MAST4: variants seen among roughly 807,000 people sequenced by gnomAD.
MAST4 encodes the protein microtubule-associated serine/threonine-protein kinase 4.
Under a neutral mutation model 162.7 loss-of-function variants are expected in MAST4, and 89 were observed. The observed-to-expected ratio is 0.55, with a 90% CI of 0.46 to 0.65. The LOEUF (loss-of-function observed/expected upper bound fraction) is 0.65, where lower values mean the gene tolerates loss of function less well. MAST4 is among the 30% of genes least tolerant of loss of function. The pLI is 0.00. For synonymous variants in MAST4, 1,479 were observed against 1,361.1 expected, an observed-to-expected ratio of 1.09 and a Z score of -1.91; for missense variants, 3,153 against 3,374.0, an observed-to-expected ratio of 0.93 and a Z score of 1.62.
chr5:67,073,331 T>C (rs941304164), intron 5 of MAST4, among the ~76,000 whole-genome samples: 1 of 152,178 alleles, frequency 6.6e-6, no homozygotes, highest in African/African-American at 2.4e-5. Context: ...CTTCTTATTA[T>C]TGCATTGTTT....
At chr5:66,856,228 T>TC (rs1475352617) in intron 3 of MAST4, among the ~76,000 whole-genome samples, 1 of 152,008 alleles carries the variant, frequency 6.6e-6, no homozygotes, top group Non-Finnish European at 1.5e-5. Flanking sequence ...TTGCACTGAG[T>TC]CCCCACTGTG....
At chr5:67,029,508 T>C (rs780372465) in intron 4 of MAST4, among the ~76,000 whole-genome samples, 2 of 152,120 alleles carry the variant, frequency 1.3e-5, no homozygotes, top group Non-Finnish European at 2.9e-5. Flanking sequence ...TTAAGTATAT[T>C]GAGGGACCTT....
At chr5:67,017,312 C>T (rs889526781) in intron 4 of MAST4, among the ~76,000 whole-genome samples, 15 of 152,070 alleles carry the variant, frequency 9.9e-5, no homozygotes, top group African/African-American at 3.1e-4. Flanking sequence ...TACCTAAGGA[C>T]GGAATGAAAG....
chr5:66,838,097 C>G (rs899554872), intron 3 of MAST4, among the ~76,000 whole-genome samples: 1 of 151,640 alleles, frequency 6.6e-6, no homozygotes, highest in African/African-American at 2.4e-5. Context: ...ACCCATGGCA[C>G]TGGTAGTGTC....
intron 3 of MAST4, among the ~76,000 whole-genome samples, chr5:66,853,246 A>C (rs1759443582): frequency 6.6e-6 from 1 of 152,190 alleles, no homozygotes; most frequent in African/African-American, 2.4e-5. Flanking sequence ...ATCTACCCGG[A>C]GTAAGTGTAA....
rs186478140 is a variant in MAST4, at chr5:66,760,134, C to T, written c.517+272C>T. 2.2e-3 allele frequency among the ~76,000 whole-genome samples: 304 copies of T among 135,630 alleles called. 2 individuals are homozygous for T. The highest frequency in any genetic ancestry group is 8.2e-3 in the African/African-American group (282 of 34,600). 89.0% of individuals were successfully genotyped at this position (135,630 alleles called of 152,430 possible). A position where few individuals can be genotyped will look rare whatever the true frequency, so the allele number is the denominator to read the frequency against. On this transcript the variant is annotated intron_variant, in intron 2 of 28. Coordinates refer to ENST00000403625, the MANE Select transcript of MAST4 (RefSeq NM_001164664.2). Reference sequence around the variant, plus strand: ...TTATTTATTTATTTATTTTTTGAGACAGAGTCTCGCTCCGTTGCTAGGCTG... The same window carrying T: ...TTATTTATTTATTTATTTTTTGAGATAGAGTCTCGCTCCGTTGCTAGGCTG...
At chr5:66,683,445 T>C (rs1292891817) in intron 1 of MAST4, among the ~76,000 whole-genome samples, 1 of 152,202 alleles carries the variant, frequency 6.6e-6, no homozygotes, top group Non-Finnish European at 1.5e-5. Flanking sequence ...TGACCTGATG[T>C]AGTAAATATC....
chr5:67,136,108 A>G (rs1211790915), intron 18 of MAST4, among the ~76,000 whole-genome samples: 1 of 152,160 alleles, frequency 6.6e-6, no homozygotes, highest in Non-Finnish European at 1.5e-5. Flanking sequence ...GAAGAACTCT[A>G]TGGCTGTGGC....
At chr5:66,986,357 C>T in intron 4 of MAST4, 1 of 908,172 alleles carries the variant, frequency 1.1e-6, no homozygotes, top group South Asian at 1.6e-5. Flanking sequence ...TATGTTGTTA[C>T]ACAGAGAAAT....
chr5:66,970,571 C>G (rs192218624), intron 4 of MAST4, among the ~76,000 whole-genome samples: 12 of 152,266 alleles, frequency 7.9e-5, no homozygotes, highest in Admixed American at 7.2e-4. Flanking sequence ...ACAGCCATTC[C>G]AGGGCCATGT....
chr5:66,816,884 G>T (rs1756755163), intron 3 of MAST4, among the ~76,000 whole-genome samples: 1 of 152,160 alleles, frequency 6.6e-6, no homozygotes, highest in Admixed American at 6.5e-5. Flanking sequence ...TGGCCTGTTT[G>T]TGGCCTTAGT....
rs151148515 is a variant in MAST4 at position 66,899,932 on chromosome 5, G to GT, written c.643-10dup. On this transcript the variant is annotated intron_variant, in intron 3 of 28. Coordinates refer to ENST00000403625, the MANE Select transcript of MAST4 (RefSeq NM_001164664.2). The stretch of plus-strand genomic sequence containing the variant: ...GTTAATGCAGCATTGCTTATATATG[G>GT]TTTTTTTTTCTTTTGCAGAAGGAGC... 6,187 of 1,454,398 alleles carry GT rather than the reference G, an allele frequency of 4.3e-3. 69 individuals carry two copies. Among genetic ancestry groups the GT allele is most frequent in the African/African-American group, 0.043 (2,915 of 68,526 alleles). The allele number at this position is 1,454,398 out of a possible 1,614,324, so 90.1% of individuals were successfully genotyped here.
At chr5:66,718,025 G>A (rs1007010533) in intron 1 of MAST4, among the ~76,000 whole-genome samples, 1 of 152,030 alleles carries the variant, frequency 6.6e-6, no homozygotes, top group Non-Finnish European at 1.5e-5. Context: ...AGCTGTGACA[G>A]TATTTTGTTG....
intron 8 of MAST4, among the ~76,000 whole-genome samples, chr5:67,101,012 TCTTA>T (rs1235489756): frequency 6.6e-6 from 1 of 152,234 alleles, no homozygotes; most frequent in African/African-American, 2.4e-5. Context: ...CCATCGTAAG[TCTTA>T]CTTTTCTCTA....
chr5:67,164,715 A>T lies in MAST4; in HGVS notation c.5536A>T (p.Ser1846Cys). The stretch of plus-strand genomic sequence containing the variant: ...CTCTGTGCCACCAGTTCTCCCCAGC[A>T]GCAGTGGGAAAAAGAACGATACCAC... ...RASVPPVLPS[S>C]SGKKNDTTSA... Residue 1846 changes from serine to cysteine, a missense_variant, in exon 29 of 29, where the codon AGC (serine) becomes TGC (cysteine). By Grantham distance (112) the Ser-to-Cys change is moderately radical (BLOSUM62 -1). Around this residue, in one of 7 missense-constraint regions of MAST4, gnomAD observed 1,644 missense variants for 1,495.0 expected, o/e 1.10. Coordinates refer to ENST00000403625, the MANE Select transcript of MAST4 (RefSeq NM_001164664.2). This position sits in a 1 kb window ranked among gnomAD's most constrained non-coding sequence, Gnocchi z 5.3. The T allele has an allele frequency of 6.2e-7, 1 of 1,614,010 alleles. No homozygotes were observed. The highest frequency in any genetic ancestry group is 1.1e-5 in the South Asian group (1 of 91,076).
intron 3 of MAST4, among the ~76,000 whole-genome samples, chr5:66,857,714 T>C (rs1759791972): frequency 6.6e-6 from 1 of 152,224 alleles, no homozygotes; most frequent in African/African-American, 2.4e-5. Context: ...ATATATTTTG[T>C]CCACTAATTT....
rs184078673 is a variant in MAST4 at position 67,167,627 on chromosome 5, G to A, written c.*576G>A. ...AAGATGGAAGAAAGCCCTAAACACA[G>A]TAGATTCTGAGTTTTTATGTGTATT... On this transcript the variant is annotated 3_prime_UTR_variant, in exon 29 of 29. Transcript: ENST00000403625. The A allele has an allele frequency of 9.2e-5, 14 of 152,332 alleles. No individual in the cohort carries two copies. Among genetic ancestry groups the A allele is most frequent in the Admixed American group, 5.9e-4 (9 of 15,302 alleles). The allele number at this position is 152,332 out of a possible 1,614,324, so 9.4% of individuals were successfully genotyped here.
At chr5:66,669,496 G>C (rs977334560) in intron 1 of MAST4, among the ~76,000 whole-genome samples, 9 of 152,176 alleles carry the variant, frequency 5.9e-5, no homozygotes, top group African/African-American at 1.9e-4. Context: ...ACAAAGGACT[G>C]TAGAGTGTTG....
In MAST4 at chr5:67,166,527, C is replaced by T. The variant is rs2151144900; in HGVS notation, c.7348C>T (p.Arg2450Ter). The T allele has an allele frequency of 2.5e-6, 4 of 1,607,414 alleles. No individual in the cohort carries two copies. Among genetic ancestry groups the T allele is most frequent in the Non-Finnish European group, 3.4e-6 (4 of 1,177,064 alleles). The change falls in exon 29 of 29, where the codon CGA (arginine) becomes TGA (stop). Residue 2450 changes from arginine (R) to a stop codon, truncating the protein, a stop_gained. Coordinates refer to ENST00000403625, the MANE Select transcript of MAST4 (RefSeq NM_001164664.2). LOFTEE classifies it low-confidence loss of function (END_TRUNC). ...SPSATGQSSF[R>*]STALPEKSLS... ...CTCAGCCACTGGGCAGAGTTCTTTC[C>T]GATCCACGGCCCTCCCGGAAAAGTC...
Sources: allele counts gnomAD v4.1 joint callset (sites outside exome capture counted in the v4.1 genomes callset), GRCh38; gene constraint gnomAD v4.1.1; regional missense constraint gnomAD v4.1.1; non-coding constraint Gnocchi (gnomAD v3.1); transcripts MANE v1.5; gene names NCBI Gene and HGNC (gene_info 2026-07-23, HGNC 2026-07-21).